The following PPP2R2C variants were observed in gnomAD, a reference collection of about 807,000 sequenced individuals.
PPP2R2C encodes protein phosphatase 2, regulatory subunit B, gamma.
In PPP2R2C, 10 loss-of-function variants were observed where a neutral mutation model predicts 45.3. The observed-to-expected ratio is 0.22, with a 90% CI of 0.14 to 0.37. The LOEUF is 0.37. Ranked by LOEUF, PPP2R2C falls within the 10% of genes least tolerant of loss-of-function variation. The probability of loss-of-function intolerance (pLI) is 1.00; values close to 1 mark genes in which losing one functional copy is unlikely to be tolerated. For missense variants in PPP2R2C, 308 were observed against 619.7 expected, an observed-to-expected ratio of 0.50 and a Z score of 5.34; for synonymous variants, 257 against 245.4, an observed-to-expected ratio of 1.05 and a Z score of -0.44.
intron 1 of PPP2R2C, among the ~76,000 whole-genome samples, chr4:6,393,960 G>A (rs1188787351): frequency 6.6e-6 from 1 of 152,224 alleles, no homozygotes; most frequent in Admixed American, 6.5e-5. Flanking sequence ...GCAGCCTGAG[G>A]CCAGCAGCTG....
At chr4:6,469,514 A>G (rs922540188) in intron 1 of PPP2R2C, among the ~76,000 whole-genome samples, 1 of 152,160 alleles carries the variant, frequency 6.6e-6, no homozygotes, top group African/African-American at 2.4e-5. Context: ...AATAATAACA[A>G]TGCCATGTGT....
chr4:6,514,607 C>T (rs578186707), intron 2 of PPP2R2C, among the ~76,000 whole-genome samples: 14 of 152,288 alleles, frequency 9.2e-5, no homozygotes, highest in Admixed American at 8.5e-4. Context: ...TGGGGAGGTT[C>T]AGACACCGGG....
rs1162189426 is a variant in PPP2R2C at position 6,330,552 on chromosome 4, C to G, written c.961-1199G>C. On this transcript the variant is annotated intron_variant, in intron 7 of 8. Coordinates refer to ENST00000382599, the MANE Select transcript of PPP2R2C (RefSeq NM_020416.4). The surrounding 1 kb of genome is among the most constrained non-coding windows in gnomAD (Gnocchi z 7.0). ...AACAAAGACAGACCTCCCTGAGGAC[C>G]GGGGGATTCCGCTAACAGATGCGTG... Among the ~76,000 whole-genome samples the G allele has an allele frequency of 6.6e-6, 1 of 152,102 alleles. No homozygotes were observed. The highest frequency in any genetic ancestry group is 2.4e-5 in the African/African-American group (1 of 41,408).
At chr4:6,552,006 T>C (rs1725200055) in intron 1 of PPP2R2C, among the ~76,000 whole-genome samples, 1 of 152,120 alleles carries the variant, frequency 6.6e-6, no homozygotes, top group African/African-American at 2.4e-5. Context: ...AAGGAAAAGA[T>C]GATGTGAGTG....
chr4:6,410,614 G>A (rs4689436), intron 1 of PPP2R2C, among the ~76,000 whole-genome samples: 19,756 of 152,002 alleles, frequency 0.13, 1,638 homozygotes, highest in East Asian at 0.38. Flanking sequence ...ATGCTGGCTG[G>A]TCTGCAGGTG....
intron 1 of PPP2R2C, among the ~76,000 whole-genome samples, chr4:6,407,693 C>A (rs1440174679): frequency 6.6e-6 from 1 of 152,186 alleles, no homozygotes; most frequent in East Asian, 1.9e-4. Context: ...AGCCACTGAG[C>A]CCGGCCAAGA....
At chr4:6,325,150 C>G (rs1357302716) in intron 8 of PPP2R2C, among the ~76,000 whole-genome samples, 1 of 152,166 alleles carries the variant, frequency 6.6e-6, no homozygotes, top group East Asian at 1.9e-4. Context: ...CCAGCTCTGC[C>G]CTACCCTGAC....
intron 1 of PPP2R2C, among the ~76,000 whole-genome samples, chr4:6,404,995 T>C (rs1243868193): frequency 6.6e-6 from 1 of 152,212 alleles, no homozygotes; most frequent in African/African-American, 2.4e-5. Context: ...CGTGACCTCC[T>C]TCCTAGAGTT....
intron 1 of PPP2R2C, among the ~76,000 whole-genome samples, chr4:6,560,040 T>C (rs947159007): frequency 2.0e-5 from 3 of 152,232 alleles, no homozygotes; most frequent in Non-Finnish European, 4.4e-5. Flanking sequence ...AAAATTGACA[T>C]GTCCCTTAAG....
At chr4:6,354,786 G>A (rs11730177) in intron 5 of PPP2R2C, among the ~76,000 whole-genome samples, 83,350 of 151,804 alleles carry the variant, frequency 0.55, 25,860 homozygotes, top group South Asian at 0.7. Context: ...GCCCGGGTGC[G>A]TGATTGCGAA....
rs1357618279 is a variant in PPP2R2C at position 6,378,023 on chromosome 4, C to G, written c.334+384G>C. On this transcript the variant is annotated intron_variant, in intron 3 of 8. Transcript: ENST00000382599. This position sits in a 1 kb window ranked among gnomAD's most constrained non-coding sequence, Gnocchi z 5.2. ...GGTTCACTTTGTGTCAAATATCCCCCGTGTCTGCGACCTGCATCCTTGTCC... is the reference window on the plus strand; with the variant it reads ...GGTTCACTTTGTGTCAAATATCCCCGGTGTCTGCGACCTGCATCCTTGTCC... Among the ~76,000 whole-genome samples, 1 of 152,176 alleles carries G rather than the reference C, an allele frequency of 6.6e-6. No individual in the cohort carries two copies. The highest frequency in any genetic ancestry group is 2.4e-5 in the African/African-American group (1 of 41,432).
rs1157767985 is a variant in PPP2R2C at position 6,471,905 on chromosome 4, G to A, written c.70+255C>T. On this transcript the variant is annotated intron_variant, in intron 1 of 8. Transcript: ENST00000382599. This position sits in a 1 kb window ranked among gnomAD's most constrained non-coding sequence, Gnocchi z 5.6. ...GCTTGGGAGAGGAAAGCTGCCTCCC[G>A]GAGGGCGGCGCGGAGGAGGGCGCTG... is the stretch of plus-strand genomic sequence containing the variant. Among the ~76,000 whole-genome samples, 1 of 151,576 alleles carries A rather than the reference G, an allele frequency of 6.6e-6. No homozygotes were observed. Among genetic ancestry groups the A allele is most frequent in the Admixed American group, 6.6e-5 (1 of 15,246 alleles).
chr4:6,347,493 C>A (rs548381258), intron 6 of PPP2R2C, among the ~76,000 whole-genome samples: 1 of 152,092 alleles, frequency 6.6e-6, no homozygotes, highest in African/African-American at 2.4e-5. Context: ...GGCTGCAGGG[C>A]CACAGAGGAG....
At chr4:6,418,689 C>A (rs1352329439) in intron 1 of PPP2R2C, among the ~76,000 whole-genome samples, 1 of 152,218 alleles carries the variant, frequency 6.6e-6, no homozygotes, top group Non-Finnish European at 1.5e-5. Context: ...GAGTCCTGTG[C>A]TCCCAAAGGG....
At position 6,329,435 on chromosome 4, in the gene PPP2R2C, C is replaced by T. The variant is rs539497006; in HGVS notation, c.961-82G>A. 1.1e-5 allele frequency: 14 copies of T among 1,238,576 alleles called. No individual in the cohort carries two copies. In the East Asian group the frequency reaches 1.4e-4, roughly 12 times the overall value. 76.7% of individuals were successfully genotyped at this position (1,238,576 alleles called of 1,614,324 possible). On this transcript the variant is annotated intron_variant, in intron 7 of 8. Transcript: ENST00000382599. The surrounding 1 kb of genome is among the most constrained non-coding windows in gnomAD (Gnocchi z 5.8). ...CCACAAGAAGGGTCTCAAAGAGCAGCGAGGGTCTGCATGCCCTGACATGGC... is the reference window on the plus strand; with the variant it reads ...CCACAAGAAGGGTCTCAAAGAGCAGTGAGGGTCTGCATGCCCTGACATGGC...
intron 2 of PPP2R2C, among the ~76,000 whole-genome samples, chr4:6,525,603 G>A (rs1724172402): frequency 6.6e-6 from 1 of 152,148 alleles, no homozygotes; most frequent in South Asian, 2.1e-4. Flanking sequence ...CCTCTTAAGG[G>A]TTAAGCAGAA....
At chr4:6,541,024 T>C (rs1577248471) in intron 1 of PPP2R2C, among the ~76,000 whole-genome samples, 1 of 152,204 alleles carries the variant, frequency 6.6e-6, no homozygotes, top group South Asian at 2.1e-4. Context: ...GATTACAAAA[T>C]GGCTGCCATT....
chr4:6,414,347 A>G (rs1196065828), intron 1 of PPP2R2C, among the ~76,000 whole-genome samples: 2 of 152,068 alleles, frequency 1.3e-5, no homozygotes, highest in African/African-American at 4.8e-5. Flanking sequence ...CTCTCTGATC[A>G]TGTGCACGGT....
intron 2 of PPP2R2C, among the ~76,000 whole-genome samples, chr4:6,515,395 A>G (rs1015294000): frequency 6.6e-6 from 1 of 152,252 alleles, no homozygotes; most frequent in African/African-American, 2.4e-5. Context: ...GCTGGGAGGC[A>G]GCATTGCAGG....
Sources: allele counts gnomAD v4.1 joint callset (sites outside exome capture counted in the v4.1 genomes callset), GRCh38; gene constraint gnomAD v4.1.1; non-coding constraint Gnocchi (gnomAD v3.1); transcripts MANE v1.5; gene names NCBI Gene and HGNC (gene_info 2026-07-23, HGNC 2026-07-21).